TACC1: variants seen among roughly 807,000 people sequenced by gnomAD.
The protein encoded by TACC1 is transforming acidic coiled-coil-containing protein 1.
TACC1 carries 48 observed loss-of-function variants against 84.4 expected under a neutral mutation model. That is an observed-to-expected ratio of 0.57 (90% CI 0.45 to 0.72). TACC1 has a LOEUF of 0.72. TACC1 is among the 30% of genes least tolerant of loss of function. TACC1 has a pLI of 0.00. For missense variants in TACC1, 920 were observed against 973.0 expected (o/e 0.95, Z 0.72); for synonymous variants, 372 against 376.3 (o/e 0.99, Z 0.13).
At chr8:38,804,918 G>A (rs1822320024) in intron 2 of TACC1, among the ~76,000 whole-genome samples, 1 of 152,204 alleles carries the variant, frequency 6.6e-6, no homozygotes, top group South Asian at 2.1e-4. Context: ...TTTGTGAGTT[G>A]CACTTGAGGG....
At chr8:38,837,798 C>T (rs958876530) in intron 7 of TACC1, among the ~76,000 whole-genome samples, 1 of 152,164 alleles carries the variant, frequency 6.6e-6, no homozygotes, top group Non-Finnish European at 1.5e-5. Context: ...TAAGAGGCTG[C>T]CCATGCAAGC....
intron 3 of TACC1, among the ~76,000 whole-genome samples, chr8:38,749,613 A>T (rs1185725437): frequency 6.6e-6 from 1 of 151,976 alleles, no homozygotes; most frequent in Non-Finnish European, 1.5e-5. Flanking sequence ...TTTTTTTGAG[A>T]TGGAGTCTCA....
At chr8:38,840,059 TA>T (rs11440274) in intron 8 of TACC1, 164 bp from the exon 9 acceptor site, 14,604 of 188,844 alleles carry the variant, frequency 0.077, 6 homozygotes, top group East Asian at 0.13. Context: ...TTATATAATG[TA>T]AAAAAAAAAA....
chr8:38,729,611 G>A (rs1804527367), intron 1 of TACC1, among the ~76,000 whole-genome samples: 1 of 152,222 alleles, frequency 6.6e-6, no homozygotes, highest in Non-Finnish European at 1.5e-5. Context: ...GCTCACACCT[G>A]TAATCCCAGC....
chr8:38,811,623 A>G (rs1328877195), intron 2 of TACC1, among the ~76,000 whole-genome samples: 1 of 152,210 alleles, frequency 6.6e-6, no homozygotes, highest in Non-Finnish European at 1.5e-5. Flanking sequence ...TAATACTCTT[A>G]TAATTTCTTA....
chr8:38,791,310 G>A (rs1472886349), intron 2 of TACC1, among the ~76,000 whole-genome samples: 1 of 152,138 alleles, frequency 6.6e-6, no homozygotes, highest in Non-Finnish European at 1.5e-5. Context: ...AAGGCTCTAT[G>A]GGGTAGTTCA....
chr8:38,735,920 T>G (rs28429174), intron 1 of TACC1, among the ~76,000 whole-genome samples: 4,491 of 152,312 alleles, frequency 0.029, 205 homozygotes, highest in African/African-American at 0.1. Flanking sequence ...CTGCTCTAAC[T>G]AATGACCACG....
At chr8:38,809,952 A>G (rs1389782584) in intron 2 of TACC1, among the ~76,000 whole-genome samples, 1 of 152,198 alleles carries the variant, frequency 6.6e-6, no homozygotes, top group Non-Finnish European at 1.5e-5. Context: ...AGTCCATGAC[A>G]AAAAGAGTGG....
intron 3 of TACC1, chr8:38,757,119 C>T: frequency 2.0e-6 from 1 of 503,836 alleles, no homozygotes; most frequent in South Asian, 2.5e-5. Context: ...CGGCAGCACC[C>T]GCGGGGCCCT....
chr8:38,794,386 C>G (rs1819485937), intron 2 of TACC1, among the ~76,000 whole-genome samples: 1 of 152,170 alleles, frequency 6.6e-6, no homozygotes, highest in African/African-American at 2.4e-5. Context: ...ATCCTCCCAC[C>G]TTGGCCTCCC....
intron 3 of TACC1, among the ~76,000 whole-genome samples, chr8:38,823,153 A>G (rs1177298697): frequency 6.6e-6 from 1 of 152,222 alleles, no homozygotes; most frequent in African/African-American, 2.4e-5. Flanking sequence ...TAAAGAGCAG[A>G]AGGATCAACT....
intron 2 of TACC1, among the ~76,000 whole-genome samples, chr8:38,800,114 T>C (rs1219227364): frequency 6.6e-5 from 10 of 152,226 alleles, no homozygotes; most frequent in Non-Finnish European, 1.3e-4. Flanking sequence ...TGAGCCGTAA[T>C]CGCCCCACTG....
Position 38,819,534 on chromosome 8 carries a change from C to G in TACC1, c.290C>G (p.Ala97Gly). ...PGAKSQESQE[A>G]DEQLVAEVVE... ...TGTTTCATTTTAGAATCACAAGAAG[C>G]TGATGAACAGCTTGTAGCAGAAGTG... Residue 97 changes from alanine to glycine, a missense_variant, in exon 3 of 13, where the codon GCT (alanine) becomes GGT (glycine). Around this residue, in one of 2 missense-constraint regions of TACC1, gnomAD observed 762 missense variants for 747.3 expected, o/e 1.02. Coordinates refer to ENST00000317827, the MANE Select transcript of TACC1 (RefSeq NM_006283.3). 1 of 1,605,614 alleles carries G rather than the reference C, an allele frequency of 6.2e-7. No homozygotes were observed. Among genetic ancestry groups the G allele is most frequent in the Non-Finnish European group, 8.5e-7 (1 of 1,174,204 alleles).
At chr8:38,779,402 C>T (rs1815494743) in intron 3 of TACC1, among the ~76,000 whole-genome samples, 1 of 152,222 alleles carries the variant, frequency 6.6e-6, no homozygotes, top group Non-Finnish European at 1.5e-5. Context: ...CATGGGCTCC[C>T]ACTGGGCATT....
intron 2 of TACC1, among the ~76,000 whole-genome samples, chr8:38,801,859 G>A (rs1821440060): frequency 6.6e-6 from 1 of 152,154 alleles, no homozygotes; most frequent in Admixed American, 6.5e-5. Context: ...AACATGGGGT[G>A]TCTTCCATTT....
In TACC1 at chr8:38,833,463, A is replaced by T. The variant is rs1429435127; in HGVS notation, c.1713+2286A>T. On this transcript the variant is annotated intron_variant, in intron 6 of 12. Transcript: ENST00000317827. Reference sequence around the variant, plus strand: ...ACATTCCTGCCCTGACACCTGTAAGAGTTGTTGCATTTTGAGTAGTGAGGT... The same window carrying T: ...ACATTCCTGCCCTGACACCTGTAAGTGTTGTTGCATTTTGAGTAGTGAGGT... Among the ~76,000 whole-genome samples, 3 of 152,310 alleles carry T rather than the reference A, an allele frequency of 2.0e-5. No individual in the cohort carries two copies. The East Asian group carries it at 5.8e-4, about 29-fold the overall frequency.
chr8:38,815,556 A>G (rs1318456322), intron 2 of TACC1, among the ~76,000 whole-genome samples: 1 of 151,990 alleles, frequency 6.6e-6, no homozygotes, highest in Non-Finnish European at 1.5e-5. Flanking sequence ...AGAAACTGAG[A>G]TTACAGGCAT....
At chr8:38,790,559 C>T (rs1268960984) in intron 2 of TACC1, among the ~76,000 whole-genome samples, 2 of 152,172 alleles carry the variant, frequency 1.3e-5, no homozygotes, top group African/African-American at 2.4e-5. Context: ...GAAGTGGCAG[C>T]GCCAGCTTTC....
At chr8:38,835,618 G>C (rs892911378) in intron 6 of TACC1, among the ~76,000 whole-genome samples, 3 of 152,240 alleles carry the variant, frequency 2.0e-5, no homozygotes, top group Admixed American at 2.0e-4. Flanking sequence ...TGAATCATCC[G>C]GGTGAAAGGG....
Sources: allele counts gnomAD v4.1 joint callset (sites outside exome capture counted in the v4.1 genomes callset), GRCh38; gene constraint gnomAD v4.1.1; regional missense constraint gnomAD v4.1.1; transcripts MANE v1.5; gene names NCBI Gene and HGNC (gene_info 2026-07-23, HGNC 2026-07-21).